Variants in SEMA3C observed in about 807,000 individuals in gnomAD.
SEMA3C encodes semaphorin-3C.
A neutral mutation model predicts 89.4 loss-of-function variants in SEMA3C; 47 were observed. That is an observed-to-expected ratio of 0.53 (90% CI 0.42 to 0.67). The LOEUF is 0.67. SEMA3C is among the 30% of genes least tolerant of loss of function. The pLI, the probability that SEMA3C is intolerant of heterozygous loss-of-function variation, is 0.00. For synonymous variants in SEMA3C, 310 were observed against 320.2 expected, an observed-to-expected ratio of 0.97 and a Z score of 0.34; for missense variants, 839 against 929.1, an observed-to-expected ratio of 0.90 and a Z score of 1.26.
At chr7:80,872,275 C>T (rs1791078048) in intron 2 of SEMA3C, among the ~76,000 whole-genome samples, 2 of 152,018 alleles carry the variant, frequency 1.3e-5, no homozygotes, top group Admixed American at 6.6e-5. Flanking sequence ...CTCAGCCTCC[C>T]AAGTAGCTGG....
At chr7:80,841,826 G>A (rs1250500145) in intron 2 of SEMA3C, among the ~76,000 whole-genome samples, 1 of 152,124 alleles carries the variant, frequency 6.6e-6, no homozygotes, top group African/African-American at 2.4e-5. Flanking sequence ...AAGAGATGGG[G>A]AGATGTTTTC....
chr7:80,785,119 G>A (rs983875720), intron 12 of SEMA3C, among the ~76,000 whole-genome samples: 1 of 152,166 alleles, frequency 6.6e-6, no homozygotes, highest in East Asian at 1.9e-4. Context: ...CAGTTTGATG[G>A]GAGTAGAAGG....
intron 12 of SEMA3C, among the ~76,000 whole-genome samples, chr7:80,776,352 T>C (rs1361202945): frequency 6.6e-6 from 1 of 152,124 alleles, no homozygotes; most frequent in Non-Finnish European, 1.5e-5. Context: ...TTCCATTTTA[T>C]TCATTCTCGT....
chr7:80,808,865 C>G (rs944372765), intron 6 of SEMA3C, among the ~76,000 whole-genome samples: 2 of 152,118 alleles, frequency 1.3e-5, no homozygotes, highest in Non-Finnish European at 2.9e-5. Flanking sequence ...ACCTCTGCCT[C>G]CCAGGTTCAA....
chr7:80,890,610 G>A (rs1210890021), intron 2 of SEMA3C, among the ~76,000 whole-genome samples: 1 of 152,128 alleles, frequency 6.6e-6, no homozygotes, highest in Non-Finnish European at 1.5e-5. Flanking sequence ...AGTGGTGGCT[G>A]AACTTTCCCC....
At chr7:80,791,202 G>A (rs1769577498) in intron 11 of SEMA3C, among the ~76,000 whole-genome samples, 1 of 152,048 alleles carries the variant, frequency 6.6e-6, no homozygotes, top group African/African-American at 2.4e-5. Flanking sequence ...GATTCCATTC[G>A]TAGGGCACCT....
chr7:80,774,139 T>G (rs2117078666), intron 12 of SEMA3C, among the ~76,000 whole-genome samples: 1 of 152,284 alleles, frequency 6.6e-6, no homozygotes, highest in South Asian at 2.1e-4. Context: ...GTGACATGCT[T>G]TAAGCATATG....
chr7:80,765,825 C>T (rs1701274416), intron 12 of SEMA3C, among the ~76,000 whole-genome samples: 2 of 152,236 alleles, frequency 1.3e-5, no homozygotes, highest in South Asian at 2.1e-4. Context: ...GATGCGCCCA[C>T]CTTGGCCTCC....
intron 2 of SEMA3C, among the ~76,000 whole-genome samples, chr7:80,840,042 T>G (rs1790225748): frequency 6.6e-6 from 1 of 152,016 alleles, no homozygotes; most frequent in Non-Finnish European, 1.5e-5. Flanking sequence ...TGAAGTCTCT[T>G]GTCCCTCTCA....
At chr7:80,823,075 T>C (rs1371929101) in intron 4 of SEMA3C, among the ~76,000 whole-genome samples, 1 of 152,214 alleles carries the variant, frequency 6.6e-6, no homozygotes, top group Non-Finnish European at 1.5e-5. Flanking sequence ...TTATACAGCA[T>C]ATAATAAAAT....
intron 17 of SEMA3C, among the ~76,000 whole-genome samples, chr7:80,748,697 G>A (rs1416797148): frequency 1.3e-5 from 2 of 152,132 alleles, no homozygotes; most frequent in African/African-American, 4.8e-5. Context: ...TTACAGAGGT[G>A]AGCAGGCAGA....
intron 12 of SEMA3C, among the ~76,000 whole-genome samples, chr7:80,781,831 G>A (rs1291248237): frequency 6.6e-6 from 1 of 152,158 alleles, no homozygotes; most frequent in African/African-American, 2.4e-5. Context: ...TGGTCTGACT[G>A]TAATTGTTTT....
intron 2 of SEMA3C, among the ~76,000 whole-genome samples, chr7:80,869,513 C>T (rs1452803562): frequency 6.6e-6 from 1 of 152,096 alleles, no homozygotes; most frequent in East Asian, 1.9e-4. Context: ...TTCTTCTTTG[C>T]TTTTCCAGAA....
At chr7:80,754,047 C>T (rs1787998050) in intron 15 of SEMA3C, among the ~76,000 whole-genome samples, 1 of 152,206 alleles carries the variant, frequency 6.6e-6, no homozygotes, top group Admixed American at 6.5e-5. Flanking sequence ...AAGCGACTCC[C>T]CTGCCTCAGC....
intron 3 of SEMA3C, 42 bp downstream of exon 3, chr7:80,828,543 T>C (rs759687642): frequency 3.4e-6 from 5 of 1,487,582 alleles, no homozygotes; most frequent in Admixed American, 4.3e-5. Flanking sequence ...AAAAGAGACA[T>C]TGAAAAGGTG....
At chr7:80,863,720 G>C (rs1273847543) in intron 2 of SEMA3C, among the ~76,000 whole-genome samples, 1 of 145,268 alleles carries the variant, frequency 6.9e-6, no homozygotes, top group Non-Finnish European at 1.5e-5. Flanking sequence ...ATATATCACA[G>C]ATATATATAT....
intron 2 of SEMA3C, among the ~76,000 whole-genome samples, chr7:80,890,831 G>C (rs915224101): frequency 6.6e-6 from 1 of 152,190 alleles, no homozygotes; most frequent in African/African-American, 2.4e-5. Flanking sequence ...GCCTTAAACT[G>C]ATGCATCATC....
chr7:80,768,915 T>C (rs912989911), intron 12 of SEMA3C, among the ~76,000 whole-genome samples: 9 of 152,200 alleles, frequency 5.9e-5, no homozygotes, highest in Non-Finnish European at 1.3e-4. Flanking sequence ...TGTAAAATCT[T>C]TGTTATATGA....
At chr7:80,768,935 C>A (rs1465875528) in intron 12 of SEMA3C, among the ~76,000 whole-genome samples, 2 of 152,164 alleles carry the variant, frequency 1.3e-5, no homozygotes, top group African/African-American at 4.8e-5. Context: ...AGCATGTTAT[C>A]ATAGAAAGCA....
Sources: gnomAD v4.1 joint callset for allele counts (sites outside exome capture counted in the v4.1 genomes callset) on GRCh38, gnomAD v4.1.1 for gene constraint, MANE v1.5 for transcripts, NCBI Gene and HGNC (gene_info 2026-07-23, HGNC 2026-07-21) for gene names.